Variants in MACROD2 observed in about 807,000 individuals in gnomAD.
MACROD2 encodes the protein mono-ADP ribosylhydrolase 2.
In MACROD2, 36 loss-of-function variants were observed where a neutral mutation model predicts 70.4. The observed-to-expected ratio is 0.51, with a 90% CI of 0.39 to 0.68. The LOEUF is 0.68. MACROD2 is among the 30% of genes least tolerant of loss of function. The pLI, the probability that MACROD2 is intolerant of heterozygous loss-of-function variation, is 0.00. For synonymous variants in MACROD2, 172 were observed against 178.8 expected (o/e 0.96, Z 0.30); for missense variants, 496 against 538.4 (o/e 0.92, Z 0.78).
At chr20:15,067,473 C>T (rs1270646858) in intron 5 of MACROD2, among the ~76,000 whole-genome samples, 2 of 152,092 alleles carry the variant, frequency 1.3e-5, no homozygotes, top group Admixed American at 1.3e-4. Context: ...CCTCAGCCAC[C>T]AGAGTAGCTG....
At chr20:15,266,794 C>T (rs892871245) in intron 6 of MACROD2, among the ~76,000 whole-genome samples, 21 of 152,110 alleles carry the variant, frequency 1.4e-4, no homozygotes, top group African/African-American at 4.6e-4. Flanking sequence ...CACTTTTGTC[C>T]CCATCCTCTA....
chr20:15,370,858 A>G (rs1245263736), intron 6 of MACROD2, among the ~76,000 whole-genome samples: 1 of 152,110 alleles, frequency 6.6e-6, no homozygotes, highest in Non-Finnish European at 1.5e-5. Context: ...GGTGGTAACC[A>G]AGAGACTCAA....
chr20:15,126,414 T>C (rs1443914705), intron 5 of MACROD2, among the ~76,000 whole-genome samples: 1 of 152,020 alleles, frequency 6.6e-6, no homozygotes, highest in Non-Finnish European at 1.5e-5. Context: ...ATTTATTCTT[T>C]AGTTTAGAAA....
intron 15 of MACROD2, among the ~76,000 whole-genome samples, chr20:16,001,222 C>T (rs949949908): frequency 6.6e-6 from 1 of 152,168 alleles, no homozygotes; most frequent in Non-Finnish European, 1.5e-5. Context: ...ATAAGGAGTA[C>T]TTTGAATGTT....
At chr20:15,324,193 C>G (rs1010455418) in intron 6 of MACROD2, among the ~76,000 whole-genome samples, 3 of 152,030 alleles carry the variant, frequency 2.0e-5, no homozygotes, top group Non-Finnish European at 4.4e-5. Context: ...TTCTCTCTCT[C>G]AATTTAAAAA....
intron 5 of MACROD2, among the ~76,000 whole-genome samples, chr20:14,945,378 G>T (rs2122717741): frequency 6.6e-6 from 1 of 152,152 alleles, no homozygotes; most frequent in Non-Finnish European, 1.5e-5. Context: ...ACCATGCCTG[G>T]CCAACTTTTC....
intron 3 of MACROD2, among the ~76,000 whole-genome samples, chr20:14,435,168 G>C (rs539970722): frequency 1.3e-5 from 2 of 152,248 alleles, no homozygotes; most frequent in African/African-American, 4.8e-5. Context: ...CTTCCAATTT[G>C]TGGTGGCTTT....
intron 4 of MACROD2, among the ~76,000 whole-genome samples, chr20:14,504,560 C>G (rs2084948896): frequency 1.3e-5 from 2 of 152,096 alleles, no homozygotes; most frequent in Admixed American, 1.3e-4. Flanking sequence ...TTCTGGGCAA[C>G]AGATTTTCTT....
chr20:15,297,097 G>C (rs1037108922), intron 6 of MACROD2, among the ~76,000 whole-genome samples: 1 of 152,182 alleles, frequency 6.6e-6, no homozygotes, highest in Non-Finnish European at 1.5e-5. Flanking sequence ...CATGATTTCT[G>C]CTTTCGTCCT....
Position 15,374,259 on chromosome 20 carries a change from C to T in MACROD2, c.541-57146C>T, listed in dbSNP as rs200346041. On this transcript the variant is annotated intron_variant, in intron 6 of 17. Transcript: ENST00000684519. ...TATATAATCACATATGATTATAATA[C>T]AATCCCTTATATATAATCACATATA... Among the ~76,000 whole-genome samples, 18 of 151,686 alleles carry T rather than the reference C, an allele frequency of 1.2e-4. No homozygotes were observed. In the East Asian group the frequency reaches 3.3e-3, roughly 28 times the overall value.
intron 4 of MACROD2, among the ~76,000 whole-genome samples, chr20:14,651,924 G>T (rs1237075121): frequency 2.0e-5 from 3 of 152,110 alleles, no homozygotes; most frequent in African/African-American, 7.2e-5. Context: ...TTTATTTAGA[G>T]AGTAATTATG....
chr20:14,690,000 TA>T (rs755827588), intron 5 of MACROD2, among the ~76,000 whole-genome samples: 4 of 144,634 alleles, frequency 2.8e-5, no homozygotes, highest in Non-Finnish European at 6.3e-5. Flanking sequence ...ATTGTGTTTT[TA>T]AAAAACATAT....
At chr20:14,898,821 C>T (rs2122541831) in intron 5 of MACROD2, among the ~76,000 whole-genome samples, 1 of 152,212 alleles carries the variant, frequency 6.6e-6, no homozygotes, top group East Asian at 1.9e-4. Context: ...CTGCCTAATC[C>T]ATTGGCTTCT....
chr20:15,454,914 G>A (rs2046701206), intron 7 of MACROD2, among the ~76,000 whole-genome samples: 1 of 152,112 alleles, frequency 6.6e-6, no homozygotes, highest in South Asian at 2.1e-4. Flanking sequence ...TAAGCACCAC[G>A]TTGTGCCTTT....
intron 4 of MACROD2, among the ~76,000 whole-genome samples, chr20:14,553,719 A>G (rs900956661): frequency 6.6e-6 from 1 of 152,150 alleles, no homozygotes; most frequent in African/African-American, 2.4e-5. Flanking sequence ...TATGTAGTGC[A>G]TGACTGCACC....
chr20:15,502,814 T>G (rs1028579596), intron 8 of MACROD2, among the ~76,000 whole-genome samples: 4 of 152,210 alleles, frequency 2.6e-5, no homozygotes, highest in Non-Finnish European at 5.9e-5. Context: ...AGCAAAGGTA[T>G]GTTTCTTGCT....
At chr20:15,490,222 T>TCCCTTCCTTCCTCCCTTCCC (rs2047213715) in intron 7 of MACROD2, among the ~76,000 whole-genome samples, 1 of 139,600 alleles carries the variant, frequency 7.2e-6, no homozygotes, top group African/African-American at 2.7e-5. Flanking sequence ...CCTTCCTTCC[T>TCCCTTCCTTCCTCCCTTCCC]CCCTTCCTTC....
At chr20:15,102,696 C>T (rs2075882101) in intron 5 of MACROD2, among the ~76,000 whole-genome samples, 3 of 150,938 alleles carry the variant, frequency 2.0e-5, no homozygotes, top group Non-Finnish European at 4.4e-5. Context: ...GAATCATAGT[C>T]AAATATACTA....
At chr20:15,541,546 A>G (rs2047955683) in intron 8 of MACROD2, among the ~76,000 whole-genome samples, 1 of 152,106 alleles carries the variant, frequency 6.6e-6, no homozygotes, top group African/African-American at 2.4e-5. Flanking sequence ...AATATAAGTG[A>G]CACATCTCCA....
Sources: gnomAD v4.1 joint callset for allele counts (sites outside exome capture counted in the v4.1 genomes callset) on GRCh38, gnomAD v4.1.1 for gene constraint, MANE v1.5 for transcripts, NCBI Gene and HGNC (gene_info 2026-07-23, HGNC 2026-07-21) for gene names.